The following MROH1 variants were observed in gnomAD, a reference collection of about 807,000 sequenced individuals.
MROH1 encodes maestro heat like repeat family member 1, also known as maestro heat-like repeat-containing protein family member 1.
A neutral mutation model predicts 116.5 loss-of-function variants in MROH1; 117 were observed. The observed-to-expected ratio is 1.00, with a 90% CI of 0.86 to 1.17. MROH1 has a LOEUF of 1.17. Ranked by LOEUF, MROH1 falls within the 50% of genes most tolerant of loss-of-function variation. The pLI is 0.00. For synonymous variants in MROH1, 921 were observed against 583.9 expected (o/e 1.58, Z -8.32); for missense variants, 1,873 against 1,338.5 (o/e 1.40, Z -6.23).
Position 144,244,513 on chromosome 8 carries a change from C to A in MROH1, c.2740C>A (p.Pro914Thr). Residue 914 changes from proline to threonine, a missense_variant, in exon 28 of 44, where the codon CCC becomes ACC. Physicochemically the swap from Pro to Thr is conservative, Grantham distance 38. Transcript: ENST00000326134. ...LTSLLQRNMT[P>T]QGLQIMIEHL... ...GAGCCTCCTGCAGCGGAACATGACC[C>A]CCCAAGGCCTGCAGATCATGATTGA... is the stretch of plus-strand genomic sequence containing the variant. The A allele has an allele frequency of 1.3e-6, 1 of 772,330 alleles. No homozygotes were observed. 47.8% of individuals were successfully genotyped at this position (772,330 alleles called of 1,614,324 possible).
intron 4 of MROH1, among the ~76,000 whole-genome samples, chr8:144,168,997 G>A (rs1821736054): frequency 6.6e-6 from 1 of 152,242 alleles, no homozygotes; most frequent in Non-Finnish European, 1.5e-5. Flanking sequence ...GCCTCACAGG[G>A]ATGCCAAATC....
chr8:144,174,856 A>G (rs370431353), intron 4 of MROH1: 3 of 985,394 alleles, frequency 3.0e-6, no homozygotes, highest in Non-Finnish European at 3.6e-6. Context: ...TGCATAACCC[A>G]TTGCAGACTT....
intron 20 of MROH1, 110 bp downstream of exon 20, chr8:144,240,787 C>T: frequency 1.5e-6 from 1 of 689,406 alleles, no homozygotes; most frequent in Non-Finnish European, 2.7e-6. Flanking sequence ...GGTGGCCTGG[C>T]AGAGCCTCCT....
intron 11 of MROH1, among the ~76,000 whole-genome samples, 152 bp downstream of exon 11, chr8:144,199,352 AG>A (rs1295261534): frequency 6.6e-6 from 1 of 152,108 alleles, no homozygotes; most frequent in African/African-American, 2.4e-5. Flanking sequence ...GTGGCTCCAG[AG>A]GCCTCTGAAC....
At chr8:144,237,350 C>T (rs907574379) in intron 14 of MROH1, among the ~76,000 whole-genome samples, 7 of 152,334 alleles carry the variant, frequency 4.6e-5, no homozygotes, top group East Asian at 1.9e-4. Context: ...CCTTCGAGCG[C>T]GCAGGCCCCT....
intron 4 of MROH1, among the ~76,000 whole-genome samples, chr8:144,177,610 A>G (rs1295283876): frequency 6.6e-6 from 1 of 152,044 alleles, no homozygotes; most frequent in African/African-American, 2.4e-5. Context: ...TCAGTGTCTG[A>G]TCTGGTTTGA....
At chr8:144,158,238 G>A (rs975799750) in intron 1 of MROH1, among the ~76,000 whole-genome samples, 22 of 149,190 alleles carry the variant, frequency 1.5e-4, no homozygotes, top group African/African-American at 4.9e-4. Flanking sequence ...GGTGATCCAC[G>A]TACTTCAGCC....
At chr8:144,226,620 G>A in intron 14 of MROH1, among the ~76,000 whole-genome samples, 1 of 151,972 alleles carries the variant, frequency 6.6e-6, no homozygotes. Context: ...ACCCGTCTAA[G>A]TTTTGTATTT....
chr8:144,203,999 ATGCATGTACGCAAGGAAATAT>A (rs1452085222), intron 12 of MROH1, among the ~76,000 whole-genome samples: 1 of 152,218 alleles, frequency 6.6e-6, no homozygotes, highest in African/African-American at 2.4e-5. Flanking sequence ...GTATGTACAA[ATGCATGTACGCAAGGAAATAT>A]TTTAACCAAA....
At chr8:144,249,081 G>A (rs1172442930) in intron 32 of MROH1, 52 bp downstream of exon 32, 5 of 710,156 alleles carry the variant, frequency 7.0e-6, no homozygotes, top group African/African-American at 3.5e-5. Context: ...GGGAGAGGGC[G>A]CGGTGGGACG....
At chr8:144,256,301 C>G (rs1329064287) in intron 35 of MROH1, among the ~76,000 whole-genome samples, 3 of 152,276 alleles carry the variant, frequency 2.0e-5, no homozygotes, top group South Asian at 2.1e-4. Context: ...CATGCCGCAC[C>G]TGCCCAGGAG....
In MROH1 at chr8:144,260,249, C is replaced by T; in HGVS notation, c.4255C>T (p.Pro1419Ser). ...TGGCGGGCTGGACGACGGGGACAAC[C>T]CTCACAGCCCAGTGGCCCTGGAGGC... ...MIGGLDDGDNPHSPVALEAML... is the reference protein window; with the variant it reads ...MIGGLDDGDNSHSPVALEAML... The change falls in exon 39 of 44, where the codon CCT becomes TCT. Residue 1419 changes from proline to serine, a missense_variant. Coordinates refer to ENST00000326134, the MANE Select transcript of MROH1 (RefSeq NM_032450.3). 3.9e-6 allele frequency: 3 copies of T among 766,332 alleles called. No homozygotes were observed. The highest frequency in any genetic ancestry group is 7.2e-6 in the Non-Finnish European group (3 of 417,486). The allele number at this position is 766,332 out of a possible 1,614,324, so 47.5% of individuals were successfully genotyped here.
At chr8:144,190,714 G>A in intron 7 of MROH1, 70 bp from the exon 8 acceptor site, 1 of 1,563,932 alleles carries the variant, frequency 6.4e-7, no homozygotes, top group South Asian at 1.2e-5. Context: ...GGGGCAGGAG[G>A]CAGACATAGG....
chr8:144,190,813 G>GAGT lies in MROH1; in HGVS notation c.594_596dup (p.Glu198_Tyr199insTer). 2 of 1,613,692 alleles carry GAGT rather than the reference G, an allele frequency of 1.2e-6. No homozygotes were observed. The highest frequency in any genetic ancestry group is 1.7e-6 in the Non-Finnish European group (2 of 1,179,858). ...GCAGCGCTTCAGCGAGGGTGCCCTG[G>GAGT]AGTACCTAGCCAACCTGGACCGAGC... On this transcript the variant is annotated stop_gained and inframe_insertion, in exon 8 of 44. Transcript: ENST00000326134. LOFTEE classifies it high-confidence loss of function.
Position 144,191,993 on chromosome 8 carries a change from G to A in MROH1, c.855+138G>A, listed in dbSNP as rs531771750. 1.4e-4 allele frequency: 142 copies of A among 1,037,980 alleles called. No homozygotes were observed. The African/African-American group carries it at 2.0e-3, about 15-fold the overall frequency. The allele number at this position is 1,037,980 out of a possible 1,614,324, so 64.3% of individuals were successfully genotyped here. ...GTTCTCTGCTAAGGCTCAGTGGTGG[G>A]CTGTGAAGGACAGGGCCCTCGTGGG... On this transcript the variant is annotated intron_variant, in intron 9 of 43. Transcript: ENST00000326134.
At chr8:144,165,125 AT>A (rs367590354) in intron 3 of MROH1, among the ~76,000 whole-genome samples, 14 of 145,928 alleles carry the variant, frequency 9.6e-5, no homozygotes, top group African/African-American at 3.0e-4. Context: ...CACCCAGCTA[AT>A]TTTTTTTTTT....
In MROH1 at chr8:144,260,117, AGGC is replaced by A; in HGVS notation, c.4191+61_4191+63del. 4 of 749,508 alleles carry A rather than the reference AGGC, an allele frequency of 5.3e-6. No homozygotes were observed. The South Asian group carries it at 5.6e-5, about 10-fold the overall frequency. The allele number at this position is 749,508 out of a possible 1,614,324, so 46.4% of individuals were successfully genotyped here. A position where few individuals can be genotyped will look rare whatever the true frequency, so the allele number is the denominator to read the frequency against. ...AGCATGGGTGGGGGGCTGTGCATGG[AGGC>A]CACCCTGTCTTGTGGGGTAGCAGAC... On this transcript the variant is annotated intron_variant, in intron 38 of 43. Coordinates refer to ENST00000326134, the MANE Select transcript of MROH1 (RefSeq NM_032450.3).
chr8:144,249,227 C>T (rs1413069409), intron 32 of MROH1, among the ~76,000 whole-genome samples, 198 bp downstream of exon 32: 7 of 152,284 alleles, frequency 4.6e-5, no homozygotes, highest in African/African-American at 1.7e-4. Context: ...GCCCCCTCTC[C>T]CTACAGGACT....
chr8:144,226,072 G>A (rs572862566), intron 14 of MROH1, among the ~76,000 whole-genome samples: 8 of 149,710 alleles, frequency 5.3e-5, no homozygotes, highest in East Asian at 4.0e-4. Context: ...GCACCACCAC[G>A]CCAGGCTAAT....
Sources: gnomAD v4.1 joint callset for allele counts (sites outside exome capture counted in the v4.1 genomes callset) on GRCh38, gnomAD v4.1.1 for gene constraint, MANE v1.5 for transcripts, NCBI Gene and HGNC (gene_info 2026-07-23, HGNC 2026-07-21) for gene names.